The following FSIP1 variants were observed in gnomAD, a reference collection of about 807,000 sequenced individuals.
The protein encoded by FSIP1 is fibrous sheath-interacting protein 1.
A neutral mutation model predicts 60.9 loss-of-function variants in FSIP1; 65 were observed. The ratio of observed to expected loss-of-function variants is 1.07; its 90% CI spans 0.87 to 1.31. The LOEUF is 1.31. FSIP1 is among the 40% of genes most tolerant of loss of function. The pLI is 0.00. For synonymous variants in FSIP1, 209 were observed against 221.2 expected (o/e 0.94, Z 0.49); for missense variants, 675 against 665.5 (o/e 1.01, Z -0.16).
At chr15:39,673,504 G>A (rs567295139) in intron 10 of FSIP1, among the ~76,000 whole-genome samples, 11 of 151,872 alleles carry the variant, frequency 7.2e-5, no homozygotes, top group Admixed American at 1.3e-4. Flanking sequence ...TGGTAGAGAC[G>A]AGGTCTCGCT....
At chr15:39,615,129 TAAAGACAC>T (rs1199817427) in intron 11 of FSIP1, among the ~76,000 whole-genome samples, 1 of 152,156 alleles carries the variant, frequency 6.6e-6, no homozygotes, top group Non-Finnish European at 1.5e-5. Flanking sequence ...CAAAATGGAT[TAAAGACAC>T]AAATATAAGA....
intron 8 of FSIP1, 32 bp from the exon 9 acceptor site, chr15:39,726,779 T>C (rs1896215237): frequency 6.2e-7 from 1 of 1,603,596 alleles, no homozygotes; most frequent in Non-Finnish European, 8.5e-7. Context: ...CAGGTCATTC[T>C]CAGGCTATAT....
chr15:39,696,229 C>A (rs117244931), intron 10 of FSIP1, among the ~76,000 whole-genome samples: 3,554 of 152,176 alleles, frequency 0.023, 62 homozygotes, highest in Non-Finnish European at 0.035. Context: ...GTAGTAAAAT[C>A]TGTAACATAT....
At chr15:39,662,639 T>G (rs1311941936) in intron 10 of FSIP1, among the ~76,000 whole-genome samples, 1 of 152,074 alleles carries the variant, frequency 6.6e-6, no homozygotes, top group Non-Finnish European at 1.5e-5. Flanking sequence ...ATCGACTTCC[T>G]TCTGCCTCAG....
intron 10 of FSIP1, among the ~76,000 whole-genome samples, chr15:39,682,292 TCTAA>T (rs1421653164): frequency 6.6e-6 from 1 of 152,202 alleles, no homozygotes; most frequent in Non-Finnish European, 1.5e-5. Flanking sequence ...CACATTTTGT[TCTAA>T]CTGTTTTTAT....
rs534833223 is a variant in FSIP1, at chr15:39,660,847, G to A, written c.1189-42602C>T. On this transcript the variant is annotated intron_variant, in intron 10 of 11. Transcript: ENST00000350221. ...GGAGGTTGAGGCAGGTGGATTACCT[G>A]AGGTCAGGAGTTCGAGATCAGCCTG... 1.6e-4 allele frequency among the ~76,000 whole-genome samples: 25 copies of A among 152,308 alleles called. No individual in the cohort carries two copies. In the South Asian group the frequency reaches 4.8e-3, roughly 29 times the overall value.
chr15:39,648,038 G>T (rs1353798915), intron 10 of FSIP1, among the ~76,000 whole-genome samples: 2 of 151,798 alleles, frequency 1.3e-5, no homozygotes, highest in Admixed American at 1.3e-4. Flanking sequence ...GGAGCGGGGA[G>T]GGATAGCATT....
chr15:39,637,829 C>T (rs1461971210), intron 10 of FSIP1, among the ~76,000 whole-genome samples: 1 of 152,020 alleles, frequency 6.6e-6, no homozygotes, highest in African/African-American at 2.4e-5. Context: ...CTGTAGGTAT[C>T]TTCTTGGTAT....
At chr15:39,774,862 A>T (rs1204348684) in intron 2 of FSIP1, among the ~76,000 whole-genome samples, 2 of 152,220 alleles carry the variant, frequency 1.3e-5, no homozygotes, top group African/African-American at 4.8e-5. Context: ...CGGAAGCAGC[A>T]GCAGCAACTT....
chr15:39,778,271 G>C lies in FSIP1; in HGVS notation c.-7-1740C>G, dbSNP rs140725306. Reference sequence around the variant, plus strand: ...TATTACAGCTTGCAGAGGGAGCAATGAGATGGAAGCATGCGCAGAACCGCA... The same window carrying C: ...TATTACAGCTTGCAGAGGGAGCAATCAGATGGAAGCATGCGCAGAACCGCA... On this transcript the variant is annotated intron_variant, in intron 1 of 11. Coordinates refer to ENST00000350221, the MANE Select transcript of FSIP1 (RefSeq NM_152597.5). 3.4e-3 allele frequency among the ~76,000 whole-genome samples: 511 copies of C among 152,344 alleles called. 3 individuals carry two copies. The highest frequency in any genetic ancestry group is 0.012 in the African/African-American group (494 of 41,574).
At position 39,617,773 on chromosome 15, in the gene FSIP1, T is replaced by C; in HGVS notation, c.1661A>G (p.Gln554Arg). The C allele has an allele frequency of 6.2e-7, 1 of 1,613,832 alleles. No individual in the cohort carries two copies. ...GISVSLSSEDQHLKLSSPENT... is the reference protein window; with the variant it reads ...GISVSLSSEDRHLKLSSPENT... ...CTCTGGAGAACTGAGTTTCAGATGT[T>C]GGTCTTCTGATGAAAGGCTCACACT... The change falls in exon 11 of 12, where the codon CAA becomes CGA. Residue 554 changes from glutamine (Q) to arginine (R), a missense_variant. By Grantham distance (43) the Gln-to-Arg change is conservative. Coordinates refer to ENST00000350221, the MANE Select transcript of FSIP1 (RefSeq NM_152597.5).
At chr15:39,726,842 T>A (rs796292292) in intron 8 of FSIP1, 95 bp from the exon 9 acceptor site, 1 of 760,626 alleles carries the variant, frequency 1.3e-6, no homozygotes, top group Non-Finnish European at 2.1e-6. Context: ...GGTCTTCACA[T>A]ACACACACAA....
At chr15:39,769,290 A>G (rs1043420602) in intron 3 of FSIP1, among the ~76,000 whole-genome samples, 2 of 152,190 alleles carry the variant, frequency 1.3e-5, no homozygotes, top group African/African-American at 4.8e-5. Context: ...AAAAAAAAAA[A>G]AAAAGAAAAG....
intron 11 of FSIP1, among the ~76,000 whole-genome samples, chr15:39,602,925 TTCA>T (rs1216870630): frequency 1.3e-5 from 2 of 152,232 alleles, no homozygotes; most frequent in African/African-American, 4.8e-5. Flanking sequence ...CAAAAAATTT[TTCA>T]TCAATATACC....
intron 2 of FSIP1, among the ~76,000 whole-genome samples, chr15:39,773,991 A>G (rs1165693191): frequency 6.6e-6 from 1 of 152,240 alleles, no homozygotes. Context: ...AGAACTATAC[A>G]CCAAAAAAGT....
chr15:39,680,350 G>A (rs540052433), intron 10 of FSIP1, among the ~76,000 whole-genome samples: 317 of 152,278 alleles, frequency 2.1e-3, no homozygotes, highest in Admixed American at 5.5e-3. Context: ...AGATGGGGTG[G>A]CAGGGACTGT....
At chr15:39,760,029 T>C (rs550192895) in intron 5 of FSIP1, among the ~76,000 whole-genome samples, 1 of 152,274 alleles carries the variant, frequency 6.6e-6, no homozygotes, top group East Asian at 1.9e-4. Flanking sequence ...AAGGTAATCA[T>C]TGCAATAATT....
In FSIP1 at chr15:39,693,081, A is replaced by G. The variant is rs566962895; in HGVS notation, c.1188+20363T>C. ...AATAACAAAACTGACATTAGCTGTG[A>G]TGCCGCCAAAGTGCTGACTAAGAAA... On this transcript the variant is annotated intron_variant, in intron 10 of 11. Coordinates refer to ENST00000350221, the MANE Select transcript of FSIP1 (RefSeq NM_152597.5). 6.6e-5 allele frequency among the ~76,000 whole-genome samples: 10 copies of G among 152,390 alleles called. No homozygotes were observed. In the South Asian group the frequency reaches 2.1e-3, roughly 32 times the overall value.
At chr15:39,694,756 C>A (rs1054206081) in intron 10 of FSIP1, among the ~76,000 whole-genome samples, 1 of 151,666 alleles carries the variant, frequency 6.6e-6, no homozygotes, top group Non-Finnish European at 1.5e-5. Context: ...GCCGAGATCA[C>A]GCCACTACAC....
Sources: allele counts gnomAD v4.1 joint callset (sites outside exome capture counted in the v4.1 genomes callset), GRCh38; gene constraint gnomAD v4.1.1; transcripts MANE v1.5; gene names NCBI Gene and HGNC (gene_info 2026-07-23, HGNC 2026-07-21).